The following UPRT variants were observed in gnomAD, a reference collection of about 807,000 sequenced individuals.
UPRT encodes RP11-311P8.3.
UPRT carries 5 observed loss-of-function variants against 22.6 expected under a neutral mutation model. The observed-to-expected ratio is 0.22, with a 90% confidence interval of 0.12 to 0.47. The LOEUF is 0.47. Among genes scored for constraint, UPRT ranks in the 20% least tolerant of loss-of-function variants. The probability of loss-of-function intolerance (pLI) is 0.99; values close to 1 mark genes in which losing one functional copy is unlikely to be tolerated. For missense variants in UPRT, 181 were observed against 239.9 expected, an observed-to-expected ratio of 0.75 and a Z score of 1.62; for synonymous variants, 77 against 87.7, an observed-to-expected ratio of 0.88 and a Z score of 0.68.
chrX:75,183,863 T>C (rs2082279766), intron 4 of UPRT, among the ~76,000 whole-genome samples: 1 of 112,318 alleles, frequency 8.9e-6, no homozygotes, highest in Admixed American at 9.4e-5. Context: ...CACTTATTGA[T>C]GGGGTTGTTT....
At chrX:75,209,476 T>C (rs1475996832) in intron 4 of UPRT, among the ~76,000 whole-genome samples, 1 of 111,904 alleles carries the variant, frequency 8.9e-6, no homozygotes, top group Non-Finnish European at 1.9e-5. Context: ...TGGGTTCAAG[T>C]GATTCTCCTG....
chrX:75,297,461 G>A (rs767749228), intron 3 of UPRT, 30 bp from the exon 4 acceptor site: 5 of 1,195,527 alleles, frequency 4.2e-6, no homozygotes, highest in East Asian at 5.9e-5. Context: ...AGTGATGAAA[G>A]ATAAATTCTT....
chrX:75,274,914 T>C (rs1039713634), intron 1 of UPRT, among the ~76,000 whole-genome samples: 1 of 108,863 alleles, frequency 9.2e-6, no homozygotes, highest in African/African-American at 3.4e-5. Flanking sequence ...GGGCTCTTTG[T>C]CTCTCCCAGG....
chrX:75,178,739 C>A (rs1239611405), intron 4 of UPRT, among the ~76,000 whole-genome samples: 1 of 110,777 alleles, frequency 9.0e-6, no homozygotes, highest in African/African-American at 3.3e-5. Flanking sequence ...AGTGAAGCTG[C>A]AGATCTTTGC....
chrX:75,245,472 C>CATATTTAATG (rs201875039), intron 4 of UPRT, among the ~76,000 whole-genome samples: 4,088 of 111,001 alleles, frequency 0.037, 83 homozygotes, highest in Non-Finnish European at 0.056. Context: ...AAACATTCTA[C>CATATTTAATG]CATAAAGAAA....
rs192363448 is a variant in UPRT at position 75,194,427 on chromosome X, T to C, written c.-447+26548T>C. ...TGTAGGGTGGCGGTACCTGGATCTG[T>C]CCTCATTTGCACATGCCAACAACAG... On this transcript the variant is annotated intron_variant, in intron 4 of 13. Coordinates refer to the UPRT transcript ENST00000652605. 4.5e-3 allele frequency among the ~76,000 whole-genome samples: 497 copies of C among 111,441 alleles called. 2 individuals carry two copies. The highest frequency in any genetic ancestry group is 0.016 in the African/African-American group (479 of 30,601).
chrX:75,225,304 A>C (rs6647098), intron 4 of UPRT, among the ~76,000 whole-genome samples: 10 of 97,402 alleles, frequency 1.0e-4, no homozygotes, highest in Admixed American at 2.5e-4. Flanking sequence ...CTCTACAAAA[A>C]CAAAACCAAA....
intron 4 of UPRT, among the ~76,000 whole-genome samples, chrX:75,261,814 T>C (rs1278176963): frequency 9.0e-6 from 1 of 111,421 alleles, no homozygotes; most frequent in East Asian, 2.8e-4. Context: ...ATCAAAAAGC[T>C]TACCCACCAC....
In UPRT at chrX:75,260,109, C is replaced by A. The variant is rs749539013; in HGVS notation, c.-446-30915C>A. 2.0e-4 allele frequency among the ~76,000 whole-genome samples: 22 copies of A among 112,057 alleles called. No individual in the cohort carries two copies. In the South Asian group the frequency reaches 5.7e-3, roughly 29 times the overall value. ...CTTACAAGAGCTCCTGAAGGAAGCA[C>A]TCAACATGAAAAGAAACAACGGGTA... is the stretch of plus-strand genomic sequence containing the variant. On this transcript the variant is annotated intron_variant, in intron 4 of 13. Transcript: ENST00000652605.
chrX:75,255,969 C>T (rs1045271552), intron 4 of UPRT, among the ~76,000 whole-genome samples: 16 of 111,617 alleles, frequency 1.4e-4, no homozygotes, highest in Admixed American at 1.4e-3. Flanking sequence ...GACAGAAAGT[C>T]AACAAATAAA....
intron 4 of UPRT, among the ~76,000 whole-genome samples, chrX:75,187,169 T>C: frequency 8.9e-6 from 1 of 111,917 alleles, no homozygotes. Flanking sequence ...ACCGGTTGTT[T>C]CTTTCCAAGT....
chrX:75,198,261 A>T (rs2082338396), intron 4 of UPRT, among the ~76,000 whole-genome samples: 1 of 112,887 alleles, frequency 8.9e-6, no homozygotes, highest in South Asian at 3.6e-4. Context: ...ATACCATTTT[A>T]TATGGAGTTC....
chrX:75,246,569 G>C (rs2082507289), intron 4 of UPRT, among the ~76,000 whole-genome samples: 1 of 111,053 alleles, frequency 9.0e-6, no homozygotes, highest in Non-Finnish European at 1.9e-5. Context: ...AAACATATGT[G>C]TGCATGTGTC....
chrX:75,234,776 C>A (rs1207964078), intron 4 of UPRT, among the ~76,000 whole-genome samples: 1 of 110,854 alleles, frequency 9.0e-6, no homozygotes. Context: ...CTCTGGGACA[C>A]ATTCAAAGCA....
chrX:75,209,713 G>T (rs1019000989), intron 4 of UPRT, among the ~76,000 whole-genome samples: 1 of 112,005 alleles, frequency 8.9e-6, no homozygotes, highest in East Asian at 2.8e-4. Flanking sequence ...GGTTTTGAGG[G>T]TGGCCTGGGA....
intron 4 of UPRT, among the ~76,000 whole-genome samples, chrX:75,246,192 T>G: frequency 9.2e-6 from 1 of 108,855 alleles, no homozygotes; most frequent in East Asian, 3.0e-4. Context: ...GCCATGTTGG[T>G]GTGCTGCACC....
chrX:75,181,296 A>G (rs1409561030), intron 4 of UPRT, among the ~76,000 whole-genome samples: 1 of 111,559 alleles, frequency 9.0e-6, no homozygotes, highest in Non-Finnish European at 1.9e-5. Context: ...TGGTTCTTCC[A>G]GCTTTGTTCT....
At chrX:75,247,112 G>A (rs2147657219) in intron 4 of UPRT, among the ~76,000 whole-genome samples, 1 of 111,132 alleles carries the variant, frequency 9.0e-6, no homozygotes, top group East Asian at 2.8e-4. Context: ...AATCAGAATG[G>A]CTGGGTGGCT....
intron 4 of UPRT, among the ~76,000 whole-genome samples, chrX:75,170,906 C>G (rs909560494): frequency 6.3e-5 from 7 of 111,540 alleles, no homozygotes; most frequent in African/African-American, 2.3e-4. Flanking sequence ...GGACCCCAAT[C>G]CCTTCTAACT....
Sources: allele counts gnomAD v4.1 joint callset (sites outside exome capture counted in the v4.1 genomes callset), GRCh38; gene constraint gnomAD v4.1.1; transcripts MANE v1.5; gene names NCBI Gene and HGNC (gene_info 2026-07-23, HGNC 2026-07-21).